GPC6: variants seen among roughly 807,000 people sequenced by gnomAD.
GPC6 encodes glypican-6.
Under a neutral mutation model 55.2 loss-of-function variants are expected in GPC6, and 14 were observed. The ratio of observed to expected loss-of-function variants is 0.25; its 90% confidence interval spans 0.17 to 0.40. The LOEUF (loss-of-function observed/expected upper bound fraction) is 0.40, where lower values mean the gene tolerates loss of function less well. Ranked by LOEUF, GPC6 falls within the 10% of genes least tolerant of loss-of-function variation. The probability of loss-of-function intolerance (pLI) is 1.00; values close to 1 mark genes in which losing one functional copy is unlikely to be tolerated. For synonymous variants in GPC6, 278 were observed against 259.6 expected, an observed-to-expected ratio of 1.07 and a Z score of -0.68; for missense variants, 641 against 708.5, an observed-to-expected ratio of 0.90 and a Z score of 1.08.
chr13:93,228,086 G>A (rs1875869730), intron 1 of GPC6, among the ~76,000 whole-genome samples: 1 of 152,140 alleles, frequency 6.6e-6, no homozygotes, highest in Non-Finnish European at 1.5e-5. Flanking sequence ...AGGGGCGGTG[G>A]AGAGACGCGG....
intron 2 of GPC6, among the ~76,000 whole-genome samples, chr13:93,702,474 C>T (rs966543160): frequency 1.3e-5 from 2 of 152,002 alleles, no homozygotes; most frequent in Non-Finnish European, 2.9e-5. Flanking sequence ...TTGGCTTCAA[C>T]TTTAAGTCAC....
At chr13:94,077,614 A>ATT (rs1251535595) in intron 4 of GPC6, among the ~76,000 whole-genome samples, 1 of 151,794 alleles carries the variant, frequency 6.6e-6, no homozygotes, top group African/African-American at 2.4e-5. Flanking sequence ...CTTGTTATAT[A>ATT]TGGCCTTTAT....
chr13:93,949,738 A>T (rs934787080), intron 3 of GPC6, among the ~76,000 whole-genome samples: 2 of 152,032 alleles, frequency 1.3e-5, no homozygotes, highest in Non-Finnish European at 2.9e-5. Context: ...TTTTTAAAAA[A>T]TTTTTTTGAG....
chr13:93,273,706 T>G (rs1877628911), intron 1 of GPC6, among the ~76,000 whole-genome samples: 1 of 152,226 alleles, frequency 6.6e-6, no homozygotes. Flanking sequence ...GCTTTACTGT[T>G]TATCATAGAA....
chr13:94,231,597 C>G (rs1166455724), intron 4 of GPC6, among the ~76,000 whole-genome samples: 1 of 152,110 alleles, frequency 6.6e-6, no homozygotes, highest in Non-Finnish European at 1.5e-5. Flanking sequence ...GCTTATTTTG[C>G]TGTTATTAAA....
chr13:93,554,005 G>T (rs1007032787), intron 2 of GPC6, among the ~76,000 whole-genome samples: 2 of 151,266 alleles, frequency 1.3e-5, no homozygotes, highest in South Asian at 2.1e-4. Flanking sequence ...AAAATTAGCC[G>T]GGTGTAGTGG....
At chr13:93,476,895 T>C (rs561338454) in intron 1 of GPC6, among the ~76,000 whole-genome samples, 1 of 152,326 alleles carries the variant, frequency 6.6e-6, no homozygotes, top group East Asian at 1.9e-4. Flanking sequence ...TGAAGCCTAT[T>C]CCAATAATTT....
chr13:93,870,059 C>T (rs1889082980), intron 3 of GPC6, among the ~76,000 whole-genome samples: 1 of 151,820 alleles, frequency 6.6e-6, no homozygotes, highest in African/African-American at 2.4e-5. Flanking sequence ...TTGGAAGATT[C>T]AGGATTTGAA....
intron 4 of GPC6, among the ~76,000 whole-genome samples, chr13:94,138,608 G>C (rs954263452): frequency 4.6e-5 from 7 of 152,168 alleles, no homozygotes; most frequent in African/African-American, 1.7e-4. Flanking sequence ...GTTCAGAGCT[G>C]ATGTTCTTGT....
intron 2 of GPC6, among the ~76,000 whole-genome samples, chr13:93,547,809 A>G (rs780667041): frequency 1.3e-5 from 2 of 152,046 alleles, no homozygotes; most frequent in Non-Finnish European, 2.9e-5. Flanking sequence ...AATAATCATC[A>G]TCATCATCAA....
chr13:93,654,898 G>A (rs1594345747), intron 2 of GPC6, among the ~76,000 whole-genome samples: 2 of 148,760 alleles, frequency 1.3e-5, no homozygotes, highest in East Asian at 2.0e-4. Context: ...GTGCAGTGGC[G>A]CGATCTAGGC....
Position 94,403,300 on chromosome 13 carries a change from G to A in GPC6, c.*83G>A. ...TCTTTTCTTACACTCTTGGACAATGGACCATGCCACAAAAACTTACCGTTT... is the reference window on the plus strand; with the variant it reads ...TCTTTTCTTACACTCTTGGACAATGAACCATGCCACAAAAACTTACCGTTT... On this transcript the variant is annotated 3_prime_UTR_variant, in exon 9 of 9. Transcript: ENST00000377047. 4 of 983,326 alleles carry A rather than the reference G, an allele frequency of 4.1e-6. No homozygotes were observed. The highest frequency in any genetic ancestry group is 6.3e-6 in the Non-Finnish European group (4 of 631,760). The allele number at this position is 983,326 out of a possible 1,614,324, so 60.9% of individuals were successfully genotyped here.
chr13:93,495,388 C>T (rs1052821782), intron 1 of GPC6, among the ~76,000 whole-genome samples: 3 of 136,518 alleles, frequency 2.2e-5, no homozygotes, highest in South Asian at 2.6e-4. Context: ...CTCCTTTAAG[C>T]ACTTCTCTGT....
chr13:93,450,832 A>G (rs1260619806), intron 1 of GPC6: 1 of 323,462 alleles, frequency 3.1e-6, no homozygotes, highest in South Asian at 1.2e-4. Context: ...CTGAGGACAT[A>G]TGAAGTCATT....
intron 4 of GPC6, among the ~76,000 whole-genome samples, chr13:94,160,720 A>G (rs1363009987): frequency 6.6e-6 from 1 of 152,242 alleles, no homozygotes; most frequent in Non-Finnish European, 1.5e-5. Context: ...TCTGGATCCT[A>G]CAAGTACTAA....
chr13:93,663,095 CAAAAAAAAAAAAA>C (rs35257700), intron 2 of GPC6, among the ~76,000 whole-genome samples: 1 of 111,176 alleles, frequency 9.0e-6, no homozygotes, highest in South Asian at 2.8e-4. Flanking sequence ...TGACTGGTTG[CAAAAAAAAAAAAA>C]AAAAAAATCT....
At chr13:93,530,619 T>C (rs965889532) in intron 1 of GPC6, among the ~76,000 whole-genome samples, 1 of 152,152 alleles carries the variant, frequency 6.6e-6, no homozygotes, top group Non-Finnish European at 1.5e-5. Context: ...GAGAACCGAT[T>C]GTTAAAATTT....
rs542343768 is a variant in GPC6, at chr13:94,334,438, G to A, written c.1152+28315G>A. Among the ~76,000 whole-genome samples, 53 of 152,306 alleles carry A rather than the reference G, an allele frequency of 3.5e-4. No homozygotes were observed. The South Asian group carries it at 6.2e-3, about 18-fold the overall frequency. On this transcript the variant is annotated intron_variant, in intron 6 of 8. Coordinates refer to ENST00000377047, the MANE Select transcript of GPC6 (RefSeq NM_005708.5). ...CAAATCTTTCTAAAGTAGAGTGCAG[G>A]TATCAATATAGATGTTTAAAGCATG...
chr13:94,307,201 GT>G (rs1414859013), intron 6 of GPC6, among the ~76,000 whole-genome samples: 3 of 152,034 alleles, frequency 2.0e-5, no homozygotes, highest in Non-Finnish European at 4.4e-5. Context: ...AAATAAAGGG[GT>G]AACTAACTGT....
Sources: allele counts gnomAD v4.1 joint callset (sites outside exome capture counted in the v4.1 genomes callset), GRCh38; gene constraint gnomAD v4.1.1; transcripts MANE v1.5; gene names NCBI Gene and HGNC (gene_info 2026-07-23, HGNC 2026-07-21).